The following SRGAP3 variants were observed in gnomAD, a reference collection of about 807,000 sequenced individuals.
The protein encoded by SRGAP3 is SLIT-ROBO Rho GTPase-activating protein 3.
A neutral mutation model predicts 121.1 loss-of-function variants in SRGAP3; 39 were observed. That is an observed-to-expected ratio of 0.32 (90% CI 0.25 to 0.42). SRGAP3 has a LOEUF of 0.42. Ranked by LOEUF, SRGAP3 falls within the 10% of genes least tolerant of loss-of-function variation. SRGAP3 has a pLI of 1.00. For synonymous variants in SRGAP3, 601 were observed against 570.0 expected, an observed-to-expected ratio of 1.05 and a Z score of -0.77; for missense variants, 1,213 against 1,470.6, an observed-to-expected ratio of 0.82 and a Z score of 2.86.
intron 1 of SRGAP3, among the ~76,000 whole-genome samples, chr3:9,210,742 A>C (rs138502670): frequency 0.014 from 2,181 of 152,020 alleles, 46 homozygotes; most frequent in African/African-American, 0.05. Flanking sequence ...AGCCAGGAGA[A>C]TCTCTTGAAC....
At chr3:9,266,912 T>TTCC (rs199840368) in intron 3 of SRGAP3, among the ~76,000 whole-genome samples, 1,851 of 151,904 alleles carry the variant, frequency 0.012, 14 homozygotes, top group Non-Finnish European at 0.019. Flanking sequence ...GCTTTGTCTA[T>TTCC]TCCTCCTCCT....
chr3:9,064,345 TC>T (rs1292935499), intron 5 of SRGAP3, 50 bp downstream of exon 5: 1 of 1,611,794 alleles, frequency 6.2e-7, no homozygotes, highest in Admixed American at 1.7e-5. Flanking sequence ...ACCATGGCCC[TC>T]CCCTTTGTGC....
chr3:9,114,245 G>T (rs1419095419), intron 2 of SRGAP3, among the ~76,000 whole-genome samples: 1 of 152,176 alleles, frequency 6.6e-6, no homozygotes, highest in Non-Finnish European at 1.5e-5. Flanking sequence ...TCATAGTGGT[G>T]CCTGGAGGAC....
At chr3:9,344,558 G>A (rs774368642) in intron 1 of SRGAP3, among the ~76,000 whole-genome samples, 92 of 151,774 alleles carry the variant, frequency 6.1e-4, no homozygotes, top group Non-Finnish European at 1.1e-3. Context: ...GCTTGGAGCC[G>A]GGAGGCGGAG....
chr3:9,310,140 C>T (rs1304850594), intron 3 of SRGAP3, among the ~76,000 whole-genome samples: 1 of 152,104 alleles, frequency 6.6e-6, no homozygotes, highest in African/African-American at 2.4e-5. Flanking sequence ...TTAAGCTAAT[C>T]GGTAGCAGAG....
chr3:9,116,135 G>T lies in SRGAP3; in HGVS notation c.260+8590C>A, dbSNP rs551322144. ...GACACCCTTAAAATACCCAGCCTTT[G>T]TGTGTATACCTCTGTGCATTGAGAA... On this transcript the variant is annotated intron_variant, in intron 2 of 21. Coordinates refer to ENST00000383836, the MANE Select transcript of SRGAP3 (RefSeq NM_014850.4). 2.0e-5 allele frequency among the ~76,000 whole-genome samples: 3 copies of T among 152,258 alleles called. No individual in the cohort carries two copies. The East Asian group carries it at 5.8e-4, about 29-fold the overall frequency.
rs778045781 is a variant in SRGAP3, at chr3:9,013,826, G to A, written c.1830C>T (p.Ala610=). ...TTTGTTGGATCTGGTGCACCCTCTC[G>A]GCTGGGTTCTCCAGTTCTGTAACAT... ...LISTIKLENP[A]ERVHQIQQIL... is the part of the protein sequence containing the mutation. Residue 610 remains alanine (A), a synonymous_variant, in exon 16 of 22, where the codon GCC becomes GCT. Transcript: ENST00000383836. The A allele has an allele frequency of 4.2e-5, 68 of 1,614,040 alleles. No homozygotes were observed. In the Middle Eastern group the frequency reaches 1.2e-3, roughly 27 times the overall value.
intron 18 of SRGAP3, among the ~76,000 whole-genome samples, chr3:9,009,188 C>G (rs1299760439): frequency 6.6e-6 from 1 of 152,176 alleles, no homozygotes; most frequent in African/African-American, 2.4e-5. Flanking sequence ...AATGTGAAAA[C>G]CCATCTGTCA....
intron 3 of SRGAP3, among the ~76,000 whole-genome samples, chr3:9,088,440 C>T (rs1341667987): frequency 2.6e-5 from 4 of 152,172 alleles, no homozygotes; most frequent in Non-Finnish European, 5.9e-5. Flanking sequence ...GTTCCTTTGC[C>T]TCTTTGCCTG....
At chr3:9,042,117 A>AAG (rs1408207442) in intron 10 of SRGAP3, among the ~76,000 whole-genome samples, 1 of 142,666 alleles carries the variant, frequency 7.0e-6, no homozygotes, top group Non-Finnish European at 1.6e-5. Flanking sequence ...AAAAAAAAAA[A>AAG]AGAGAGAGAG....
At chr3:9,259,291 T>G (rs954942810) in intron 3 of SRGAP3, among the ~76,000 whole-genome samples, 3 of 152,170 alleles carry the variant, frequency 2.0e-5, no homozygotes, top group Admixed American at 1.3e-4. Context: ...TTTTTCTTTT[T>G]TTTTAGAGAG....
At chr3:9,291,030 G>T (rs969293314) in intron 3 of SRGAP3, among the ~76,000 whole-genome samples, 1 of 152,116 alleles carries the variant, frequency 6.6e-6, no homozygotes, top group Non-Finnish European at 1.5e-5. Context: ...CATTGCCTTG[G>T]AGGATGCCCT....
chr3:9,329,052 G>T (rs1047029976), intron 2 of SRGAP3, among the ~76,000 whole-genome samples: 7 of 152,126 alleles, frequency 4.6e-5, no homozygotes, highest in Admixed American at 2.6e-4. Flanking sequence ...GGAACAGCTT[G>T]TTGGGCCATC....
At chr3:9,018,742 A>AT (rs890940627) in intron 14 of SRGAP3, among the ~76,000 whole-genome samples, 2 of 152,024 alleles carry the variant, frequency 1.3e-5, no homozygotes, top group African/African-American at 2.4e-5. Context: ...TTAGGTAGTA[A>AT]TTTTTTTTAG....
intron 3 of SRGAP3, among the ~76,000 whole-genome samples, chr3:9,279,959 T>C (rs1954648199): frequency 6.6e-6 from 1 of 152,166 alleles, no homozygotes; most frequent in Non-Finnish European, 1.5e-5. Flanking sequence ...GGTGATGAGA[T>C]ATGGTTAAGC....
chr3:9,115,105 CACGGGTCAGCTG>C (rs1383550192), intron 2 of SRGAP3, among the ~76,000 whole-genome samples: 1 of 152,146 alleles, frequency 6.6e-6, no homozygotes, highest in African/African-American at 2.4e-5. Context: ...TCAGTTCTTT[CACGGGTCAGCTG>C]TGGGTCTGAA....
chr3:9,049,362 G>A lies in SRGAP3; in HGVS notation c.1324-1887C>T, dbSNP rs190020100. 2.1e-4 allele frequency: 97 copies of A among 455,992 alleles called. 1 individual carries two copies. Among genetic ancestry groups the A allele is most frequent in the Admixed American group, 1.0e-3 (43 of 42,570 alleles). The allele number at this position is 455,992 out of a possible 1,614,324, so 28.2% of individuals were successfully genotyped here. A position where few individuals can be genotyped will look rare whatever the true frequency, so the allele number is the denominator to read the frequency against. On this transcript the variant is annotated intron_variant, in intron 9 of 21. Transcript: ENST00000383836. ...CAGGACCTGGCCTATTGGCCATTAA[G>A]AGTCACTCGACTTGTATCCACAGAG...
At chr3:9,178,737 C>T (rs958726421) in intron 1 of SRGAP3, among the ~76,000 whole-genome samples, 3 of 152,124 alleles carry the variant, frequency 2.0e-5, no homozygotes, top group African/African-American at 4.8e-5. Context: ...CCTTCTCCTA[C>T]CTCCTCCTCC....
upstream of SRGAP3, chr3:9,249,822 G>GT (rs970688428): frequency 5.1e-6 from 1 of 195,540 alleles, no homozygotes; most frequent in Non-Finnish European, 1.1e-5. Flanking sequence ...AATCGGGTTG[G>GT]TAAGTCTTGA....
Sources: gnomAD v4.1 joint callset for allele counts (sites outside exome capture counted in the v4.1 genomes callset) on GRCh38, gnomAD v4.1.1 for gene constraint, MANE v1.5 for transcripts, NCBI Gene and HGNC (gene_info 2026-07-23, HGNC 2026-07-21) for gene names.